The following CCDC125 variants were observed in gnomAD, a reference collection of about 807,000 sequenced individuals.
CCDC125 encodes the protein coiled-coil domain-containing protein 125.
CCDC125 carries 43 observed loss-of-function variants against 57.4 expected under a neutral mutation model. That is an observed-to-expected ratio of 0.75 (90% confidence interval 0.59 to 0.97). CCDC125 has a LOEUF of 0.97. Among genes scored for constraint, CCDC125 ranks in the 50% least tolerant of loss-of-function variants. CCDC125 has a pLI of 0.00. For synonymous variants in CCDC125, 187 were observed against 195.2 expected, an observed-to-expected ratio of 0.96 and a Z score of 0.35; for missense variants, 563 against 595.7, an observed-to-expected ratio of 0.95 and a Z score of 0.57.
At chr5:69,309,606 C>A (rs965888465) in intron 4 of CCDC125, 1 of 152,258 alleles carries the variant, frequency 6.6e-6, no homozygotes, top group African/African-American at 2.4e-5. Flanking sequence ...TCATGGAGAA[C>A]CGGGGCTAGG....
intron 10 of CCDC125, among the ~76,000 whole-genome samples, chr5:69,289,943 C>G (rs1754131361): frequency 6.7e-6 from 1 of 149,544 alleles, no homozygotes; most frequent in African/African-American, 2.5e-5. Context: ...TGTCAGAAAA[C>G]ATTTTTAGAA....
intron 7 of CCDC125, among the ~76,000 whole-genome samples, chr5:69,300,368 G>A (rs75696124): frequency 2.0e-5 from 3 of 151,880 alleles, no homozygotes; most frequent in East Asian, 3.8e-4. Flanking sequence ...AACTGAAGTC[G>A]GATTCCTGTT....
At chr5:69,306,307 T>C (rs1159648628) in intron 6 of CCDC125, among the ~76,000 whole-genome samples, 1 of 152,136 alleles carries the variant, frequency 6.6e-6, no homozygotes, top group Non-Finnish European at 1.5e-5. Flanking sequence ...ATAGAGTTTA[T>C]ACTATTTTGG....
chr5:69,277,612 C>CA (rs781687290), downstream of CCDC125, among the ~76,000 whole-genome samples: 443 of 151,638 alleles, frequency 2.9e-3, 1 homozygote, highest in South Asian at 5.2e-3. Context: ...ACTAAAAATA[C>CA]AAAAAAAATT....
Position 69,294,910 on chromosome 5 carries a change from G to T in CCDC125, c.817-10C>A. 1 of 1,606,154 alleles carries T rather than the reference G, an allele frequency of 6.2e-7. No homozygotes were observed. Among genetic ancestry groups the T allele is most frequent in the African/African-American group, 1.3e-5 (1 of 74,772 alleles). On this transcript the variant is annotated splice_polypyrimidine_tract_variant and intron_variant, in intron 8 of 11. Transcript: ENST00000396496. Reference sequence around the variant, plus strand: ...CTCCGAGGACCGCAAGCTTTAAATTGAAAAGCATTGCTCCTGTTATTAAGT... The same window carrying T: ...CTCCGAGGACCGCAAGCTTTAAATTTAAAAGCATTGCTCCTGTTATTAAGT...
chr5:69,296,474 C>T (rs1755340527), intron 8 of CCDC125, among the ~76,000 whole-genome samples: 1 of 151,518 alleles, frequency 6.6e-6, no homozygotes, highest in Non-Finnish European at 1.5e-5. Context: ...ATCACTTGAA[C>T]CTGGGAGGCA....
Position 69,320,384 on chromosome 5 carries a change from C to T in CCDC125, c.157G>A (p.Asp53Asn). The T allele has an allele frequency of 6.2e-7, 1 of 1,614,134 alleles. No individual in the cohort carries two copies. The highest frequency in any genetic ancestry group is 8.5e-7 in the Non-Finnish European group (1 of 1,180,014). ...EFSHRSRKRS[D>N]GKNFSPPPFP... is the part of the protein sequence containing the mutation. ...GGAGGAGGGCTAAAGTTCTTTCCAT[C>T]TGATCTTTTTCTAGACCTATGTGAA... The change falls in exon 2 of 12, where the codon GAT (aspartate) becomes AAT (asparagine). Residue 53 changes from aspartate (D) to asparagine (N), a missense_variant. By Grantham distance (23) the Asp-to-Asn change is conservative. Coordinates refer to ENST00000396496, the MANE Select transcript of CCDC125 (RefSeq NM_176816.5).
chr5:69,287,046 T>C (rs953542127), intron 10 of CCDC125, among the ~76,000 whole-genome samples: 5 of 142,404 alleles, frequency 3.5e-5, no homozygotes, highest in African/African-American at 5.3e-5. Context: ...AAGAAAGAAG[T>C]ATGCCTATAA....
At chr5:69,295,786 A>G (rs549865085) in intron 8 of CCDC125, among the ~76,000 whole-genome samples, 2 of 152,134 alleles carry the variant, frequency 1.3e-5, no homozygotes, top group Non-Finnish European at 2.9e-5. Flanking sequence ...CCATCAAAAG[A>G]TGTTGAAATT....
intron 8 of CCDC125, among the ~76,000 whole-genome samples, chr5:69,299,356 G>A (rs6888092): frequency 5.3e-5 from 8 of 151,518 alleles, no homozygotes; most frequent in South Asian, 2.1e-4. Context: ...TGATCCGCCC[G>A]CCTCGGCTTC....
chr5:69,284,011 G>A (rs1330766282), intron 11 of CCDC125, among the ~76,000 whole-genome samples: 6 of 150,242 alleles, frequency 4.0e-5, no homozygotes, highest in South Asian at 2.1e-4. Context: ...GGATGGTCTC[G>A]ATCTCCTGAC....
chr5:69,314,049 T>A lies in CCDC125; in HGVS notation c.305-3A>T, dbSNP rs1427002847. On this transcript the variant is annotated splice_region_variant and splice_polypyrimidine_tract_variant and intron_variant, in intron 2 of 11. Transcript: ENST00000396496. ...TGACAATTCTGAATTCGAATCTACTTGGGAGGGAGGAGAAAAGAATCTATT... is the reference window on the plus strand; with the variant it reads ...TGACAATTCTGAATTCGAATCTACTAGGGAGGGAGGAGAAAAGAATCTATT... 1 of 1,599,948 alleles carries A rather than the reference T, an allele frequency of 6.3e-7. No homozygotes were observed. Among genetic ancestry groups the A allele is most frequent in the Non-Finnish European group, 8.6e-7 (1 of 1,167,170 alleles).
chr5:69,285,331 A>G lies in CCDC125; in HGVS notation c.1230+6T>C. The G allele has an allele frequency of 1.6e-5, 26 of 1,609,388 alleles. No homozygotes were observed. The highest frequency in any genetic ancestry group is 2.0e-5 in the Non-Finnish European group (24 of 1,178,748). ...ATAACCTGCAAAAAAAAGCAAAGAC[A>G]CTAACCAAATCTATGAGCATCTTAA... On this transcript the variant is annotated splice_donor_region_variant and intron_variant, in intron 11 of 11. Transcript: ENST00000396496.
At chr5:69,305,889 G>C (rs1341385704) in intron 6 of CCDC125, among the ~76,000 whole-genome samples, 2 of 152,050 alleles carry the variant, frequency 1.3e-5, no homozygotes, top group African/African-American at 4.8e-5. Flanking sequence ...GTCTCCCTTT[G>C]TTCAGTCCAA....
chr5:69,328,797 C>CT (rs779295171), intron 1 of CCDC125, among the ~76,000 whole-genome samples: 6,855 of 143,988 alleles, frequency 0.048, 524 homozygotes, highest in African/African-American at 0.16. Context: ...ATACGTTTGA[C>CT]TTTTTTTTTT....
At position 69,320,566 on chromosome 5, in the gene CCDC125, G is replaced by GA. The variant is rs538480756; in HGVS notation, c.-27dup. On this transcript the variant is annotated 5_prime_UTR_variant, in exon 2 of 12. Coordinates refer to ENST00000396496, the MANE Select transcript of CCDC125 (RefSeq NM_176816.5). ...GAGCCAAATGCCGTCTTTATCATAA[G>GA]AAAAAATGGGCTGTCTGTAGTTAAG... 48 of 1,528,760 alleles carry GA rather than the reference G, an allele frequency of 3.1e-5. No homozygotes were observed. Among genetic ancestry groups the GA allele is most frequent in the Admixed American group, 3.9e-5 (2 of 50,932 alleles). 94.7% of individuals were successfully genotyped at this position (1,528,760 alleles called of 1,614,324 possible).
chr5:69,304,047 T>C (rs1003943026), intron 6 of CCDC125, 118 bp from the exon 7 acceptor site: 4 of 583,184 alleles, frequency 6.9e-6, no homozygotes, highest in East Asian at 3.0e-5. Flanking sequence ...TACTTCAAAA[T>C]AGTCTGGAAT....
rs755486769 is a variant in CCDC125, at chr5:69,303,816, C to T, written c.700+31G>A. The T allele has an allele frequency of 1.5e-5, 18 of 1,217,920 alleles. No homozygotes were observed. In the Admixed American group the frequency reaches 2.4e-4, roughly 16 times the overall value. The allele number at this position is 1,217,920 out of a possible 1,614,324, so 75.4% of individuals were successfully genotyped here. On this transcript the variant is annotated intron_variant, in intron 7 of 11. Transcript: ENST00000396496. The stretch of plus-strand genomic sequence containing the variant: ...TACTAGCATGTTATCTTTATTGATA[C>T]ATGTGCTCTTAATACAAAAATCATC...
At chr5:69,316,107 T>A (rs1759061007) in intron 2 of CCDC125, among the ~76,000 whole-genome samples, 1 of 152,176 alleles carries the variant, frequency 6.6e-6, no homozygotes, top group Admixed American at 6.6e-5. Context: ...ACCTAAATCA[T>A]GTTTGTACTG....
Sources: allele counts gnomAD v4.1 joint callset (sites outside exome capture counted in the v4.1 genomes callset), GRCh38; gene constraint gnomAD v4.1.1; transcripts MANE v1.5; gene names NCBI Gene and HGNC (gene_info 2026-07-23, HGNC 2026-07-21).